LARP1B: variants seen among roughly 807,000 people sequenced by gnomAD.
LARP1B encodes la-related protein 1B.
In LARP1B, 76 loss-of-function variants were observed where a neutral mutation model predicts 114.2. The observed-to-expected ratio is 0.67, with a 90% CI of 0.55 to 0.81. LARP1B has a LOEUF of 0.81. Among genes scored for constraint, LARP1B ranks in the 30% least tolerant of loss-of-function variants. The probability of loss-of-function intolerance (pLI) is 0.00; values close to 1 mark genes in which losing one functional copy is unlikely to be tolerated. For missense variants in LARP1B, 1,014 were observed against 1,075.8 expected (o/e 0.94, Z 0.80); for synonymous variants, 345 against 348.0 (o/e 0.99, Z 0.10).
chr4:128,093,302 TAA>T (rs1776520017), intron 7 of LARP1B, among the ~76,000 whole-genome samples: 1 of 152,128 alleles, frequency 6.6e-6, no homozygotes, highest in Admixed American at 6.5e-5. Flanking sequence ...GAGAAGTCAC[TAA>T]AAGTTTTCCT....
Position 128,211,471 on chromosome 4 carries a change from C to G in LARP1B, c.*1418C>G. ...GTTATTTCTCATGATAAGTAATAAT[C>G]AGCAGTTTTATAATATTTACTATTT... On this transcript the variant is annotated 3_prime_UTR_variant, in exon 20 of 20. Coordinates refer to ENST00000326639, the MANE Select transcript of LARP1B (RefSeq NM_018078.4). 1 of 914,792 alleles carries G rather than the reference C, an allele frequency of 1.1e-6. No homozygotes were observed. Among genetic ancestry groups the G allele is most frequent in the Non-Finnish European group, 1.3e-6 (1 of 765,762 alleles). 56.7% of individuals were successfully genotyped at this position (914,792 alleles called of 1,614,324 possible).
At chr4:128,125,553 T>G (rs1045833876) in intron 11 of LARP1B, among the ~76,000 whole-genome samples, 1 of 152,212 alleles carries the variant, frequency 6.6e-6, no homozygotes, top group Non-Finnish European at 1.5e-5. Context: ...TGAGACCATC[T>G]GGCCAACATG....
At chr4:128,207,476 A>T (rs1416660445) in intron 19 of LARP1B, 93 bp downstream of exon 19, 6 of 853,148 alleles carry the variant, frequency 7.0e-6, no homozygotes, top group Non-Finnish European at 9.9e-6. Flanking sequence ...TGTAATTTTT[A>T]TTTTTTAACT....
rs2149678547 is a variant in LARP1B, at chr4:128,098,178, C to CT, written c.669-4dup. 3 of 1,596,060 alleles carry CT rather than the reference C, an allele frequency of 1.9e-6. No individual in the cohort carries two copies. The East Asian group carries it at 6.7e-5, about 36-fold the overall frequency. On this transcript the variant is annotated splice_polypyrimidine_tract_variant and splice_region_variant and intron_variant, in intron 7 of 19. Transcript: ENST00000326639. ...ATAAATGGATGAAATTCTGATTTCTCTTTTCAGTGAATATTACTTCAGTGT... is the reference window on the plus strand; with the variant it reads ...ATAAATGGATGAAATTCTGATTTCTCTTTTTCAGTGAATATTACTTCAGTGT...
At chr4:128,076,074 T>C (rs1028541129) in intron 3 of LARP1B, among the ~76,000 whole-genome samples, 2 of 152,020 alleles carry the variant, frequency 1.3e-5, no homozygotes, top group African/African-American at 4.8e-5. Flanking sequence ...AGTACAGTGG[T>C]GGGATTTCAG....
intron 5 of LARP1B, among the ~76,000 whole-genome samples, chr4:128,085,353 C>CTTTTTTTTTTTT: frequency 1.2e-5 from 1 of 85,828 alleles, no homozygotes; most frequent in Admixed American, 1.8e-4. Context: ...CCTTAGCTTC[C>CTTTTTTTTTTTT]TTTTTTTTTT....
At chr4:128,174,347 CAAT>C (rs1056181772) in intron 12 of LARP1B, among the ~76,000 whole-genome samples, 15 of 151,606 alleles carry the variant, frequency 9.9e-5, no homozygotes, top group Non-Finnish European at 1.8e-4. Flanking sequence ...AATATATTTC[CAAT>C]AATAATATTT....
At chr4:128,110,679 A>AAAAAAAAG (rs1475518589) in intron 9 of LARP1B, among the ~76,000 whole-genome samples, 1 of 140,990 alleles carries the variant, frequency 7.1e-6, no homozygotes, top group African/African-American at 2.6e-5. Context: ...TCCGTCTCAA[A>AAAAAAAAG]AAAAAAAAAA....
chr4:128,061,836 C>T, intron 1 of LARP1B: 1 of 984,686 alleles, frequency 1.0e-6, no homozygotes, highest in Non-Finnish European at 1.2e-6. Flanking sequence ...AAAGAGGCGG[C>T]GAGGGAGGAG....
intron 8 of LARP1B, among the ~76,000 whole-genome samples, chr4:128,098,767 A>ATATATATATATATT (rs1328165907): frequency 3.7e-4 from 13 of 35,024 alleles, no homozygotes; most frequent in East Asian, 1.3e-3. Flanking sequence ...ATATATATAT[A>ATATATATATATATT]TTTTTTTTTT....
In LARP1B at chr4:128,065,301, CTTTCTTTCTT is replaced by C. The variant is rs1293915973; in HGVS notation, c.-78+3902_-78+3911del. ...TCTTTCTTTCTTTCTTTCTTTCTTT[CTTTCTTTCTT>C]TCTTTCTCTCTCTCTCTCTCTTTCC... On this transcript the variant is annotated intron_variant, in intron 1 of 19. Coordinates refer to ENST00000326639, the MANE Select transcript of LARP1B (RefSeq NM_018078.4). 7.7e-4 allele frequency among the ~76,000 whole-genome samples: 101 copies of C among 131,138 alleles called. 5 individuals are homozygous for C. The highest frequency in any genetic ancestry group is 3.3e-3 in the Admixed American group (40 of 12,182). The allele number at this position is 131,138 out of a possible 152,430, so 86.0% of individuals were successfully genotyped here. A position where few individuals can be genotyped will look rare whatever the true frequency, so the allele number is the denominator to read the frequency against.
chr4:128,087,615 T>C (rs1185649859), intron 5 of LARP1B, among the ~76,000 whole-genome samples: 1 of 152,226 alleles, frequency 6.6e-6, no homozygotes, highest in Non-Finnish European at 1.5e-5. Flanking sequence ...ACTAATGTCC[T>C]AAGAAAATGC....
rs776676378 is a variant in LARP1B, at chr4:128,098,217, C to T, written c.700C>T (p.Arg234Ter). 1.9e-6 allele frequency: 3 copies of T among 1,612,216 alleles called. No homozygotes were observed. Among genetic ancestry groups the T allele is most frequent in the East Asian group, 2.2e-5 (1 of 44,844 alleles). ...TTACTTCAGTGTAGAAAATTTGGAA[C>T]GAGACTTCTTTCTTCGGGGAAAGAT... ...EYYFSVENLE[R>*]DFFLRGKMDE... Residue 234 changes from arginine (R) to a stop codon, truncating the protein, a stop_gained, in exon 8 of 20, where the codon CGA becomes TGA. Transcript: ENST00000326639. LOFTEE classifies it high-confidence loss of function.
At chr4:128,170,077 G>C (rs1043049229) in intron 12 of LARP1B, among the ~76,000 whole-genome samples, 1 of 152,050 alleles carries the variant, frequency 6.6e-6, no homozygotes, top group African/African-American at 2.4e-5. Flanking sequence ...ATTTAGGAGT[G>C]TATTCGGTGT....
chr4:128,144,866 A>T (rs1185694841), intron 11 of LARP1B, among the ~76,000 whole-genome samples: 1 of 152,110 alleles, frequency 6.6e-6, no homozygotes, highest in Non-Finnish European at 1.5e-5. Context: ...ATATATATTT[A>T]TAATAGTTGC....
intron 1 of LARP1B, among the ~76,000 whole-genome samples, chr4:128,068,284 A>G (rs1017150657): frequency 1.3e-5 from 2 of 148,462 alleles, no homozygotes; most frequent in African/African-American, 5.0e-5. Flanking sequence ...TCCCAAAGTG[A>G]TGGGATTGCA....
rs71593507 is a variant in LARP1B, at chr4:128,166,970, CTATATATATA to C, written c.1648+4668_1648+4677del. Reference sequence around the variant, plus strand: ...TCTCTCTCTCTCTCTCTCTCTCTCTCTATATATATATATATATATATATACACACACACAT... The same window carrying C: ...TCTCTCTCTCTCTCTCTCTCTCTCTCTATATATATATATACACACACACAT... On this transcript the variant is annotated intron_variant, in intron 12 of 19. Coordinates refer to ENST00000326639, the MANE Select transcript of LARP1B (RefSeq NM_018078.4). Among the ~76,000 whole-genome samples, 5 of 77,834 alleles carry C rather than the reference CTATATATATA, an allele frequency of 6.4e-5. No homozygotes were observed. In the East Asian group the frequency reaches 1.5e-3, roughly 23 times the overall value. The allele number at this position is 77,834 out of a possible 152,430, so 51.1% of individuals were successfully genotyped here.
chr4:128,197,760 A>G (rs1754696287), intron 15 of LARP1B, among the ~76,000 whole-genome samples: 2 of 152,300 alleles, frequency 1.3e-5, no homozygotes, highest in South Asian at 4.1e-4. Context: ...TATCTGAGAA[A>G]TAATAAAGTC....
chr4:128,062,291 G>C, intron 1 of LARP1B: 1 of 985,304 alleles, frequency 1.0e-6, no homozygotes, highest in South Asian at 4.7e-5. Flanking sequence ...GCCGGCGCGT[G>C]GCGGCGGTAG....
Sources: allele counts gnomAD v4.1 joint callset (sites outside exome capture counted in the v4.1 genomes callset), GRCh38; gene constraint gnomAD v4.1.1; transcripts MANE v1.5; gene names NCBI Gene and HGNC (gene_info 2026-07-23, HGNC 2026-07-21).